Variants in SLC22A24 observed in about 807,000 individuals in gnomAD.
SLC22A24 encodes solute carrier family 22 member 24.
A neutral mutation model predicts 49.8 loss-of-function variants in SLC22A24; 53 were observed. The observed-to-expected ratio is 1.06, with a 90% CI of 0.85 to 1.34. SLC22A24 has a LOEUF of 1.34. Among genes scored for constraint, SLC22A24 ranks in the 40% most tolerant of loss-of-function variants. The pLI is 0.00. For synonymous variants in SLC22A24, 302 were observed against 256.4 expected (o/e 1.18, Z -1.70); for missense variants, 786 against 675.9 (o/e 1.16, Z -1.81).
intron 2 of SLC22A24, among the ~76,000 whole-genome samples, chr11:63,122,213 G>A (rs1189416857): frequency 6.6e-6 from 1 of 152,084 alleles, no homozygotes; most frequent in Non-Finnish European, 1.5e-5. Context: ...ACTTGGATGT[G>A]GCAAGTAATA....
chr11:63,110,516 T>G lies in SLC22A24; in HGVS notation c.831-6218A>C, dbSNP rs865793962. Among the ~76,000 whole-genome samples the G allele has an allele frequency of 2.8e-3, 372 of 130,876 alleles. 2 individuals are homozygous for G. Among genetic ancestry groups the G allele is most frequent in the African/African-American group, 6.0e-3 (219 of 36,720 alleles). The allele number at this position is 130,876 out of a possible 152,430, so 85.9% of individuals were successfully genotyped here. On this transcript the variant is annotated intron_variant, in intron 4 of 9. Transcript: ENST00000612278. ...TCTTCCATTTGTTTGTATCCTCTTT[T>G]ATTTCATTGAGCAGTGGTTTGTAGT...
At chr11:63,109,651 A>G (rs890700769) in intron 4 of SLC22A24, among the ~76,000 whole-genome samples, 71 of 151,800 alleles carry the variant, frequency 4.7e-4, no homozygotes, top group African/African-American at 1.7e-3. Flanking sequence ...TCTTCTTTTG[A>G]GAAGTGTCTG....
chr11:63,124,355 A>G (rs763979062), intron 2 of SLC22A24, among the ~76,000 whole-genome samples: 2 of 152,228 alleles, frequency 1.3e-5, no homozygotes, highest in Non-Finnish European at 2.9e-5. Context: ...AGATAATGAG[A>G]TAAATTCGAT....
intron 4 of SLC22A24, among the ~76,000 whole-genome samples, chr11:63,113,123 T>TAC (rs2087183411): frequency 6.4e-5 from 1 of 15,538 alleles, no homozygotes; most frequent in East Asian, 3.7e-3. Context: ...CACATATATA[T>TAC]ATACATATAT....
intron 5 of SLC22A24, 53 bp from the exon 6 acceptor site, chr11:63,096,159 G>GGTAAAAGCATTAACAAAAATATTT: frequency 8.5e-7 from 1 of 1,178,784 alleles, no homozygotes; most frequent in Non-Finnish European, 1.2e-6. Context: ...TAATGTGTCA[G>GGTAAAAGCATTAACAAAAATATTT]GCATAGTGGT....
chr11:63,132,147 T>C (rs2087340883), intron 2 of SLC22A24, among the ~76,000 whole-genome samples: 1 of 152,234 alleles, frequency 6.6e-6, no homozygotes, highest in African/African-American at 2.4e-5. Flanking sequence ...TTTAAGGTCT[T>C]TTCTACACTG....
At chr11:63,142,782 GA>G (rs2134688595) in intron 1 of SLC22A24, among the ~76,000 whole-genome samples, 1 of 152,142 alleles carries the variant, frequency 6.6e-6, no homozygotes, top group South Asian at 2.1e-4. Context: ...GACTCCCTAT[GA>G]TTTCAGCCCT....
intron 6 of SLC22A24, among the ~76,000 whole-genome samples, chr11:63,094,741 G>T (rs1281645801): frequency 2.0e-5 from 3 of 152,198 alleles, no homozygotes; most frequent in Non-Finnish European, 2.9e-5. Context: ...GTGATGGTGA[G>T]CATTTTTTCA....
intron 9 of SLC22A24, among the ~76,000 whole-genome samples, chr11:63,080,453 A>G (rs1156664828): frequency 1.3e-5 from 2 of 152,112 alleles, no homozygotes; most frequent in Non-Finnish European, 2.9e-5. Context: ...ATTTTGCTCT[A>G]TGCTGTAGTC....
At chr11:63,097,327 C>T (rs1021176062) in intron 5 of SLC22A24, among the ~76,000 whole-genome samples, 1 of 152,168 alleles carries the variant, frequency 6.6e-6, no homozygotes. Flanking sequence ...TGAAAAAAAG[C>T]TCATCATCCC....
In SLC22A24 at chr11:63,143,380, C is replaced by T. The variant is rs2087428601; in HGVS notation, c.400G>A (p.Glu134Lys). 6.9e-7 allele frequency: 1 copy of T among 1,447,370 alleles called. No homozygotes were observed. The highest frequency in any genetic ancestry group is 9.1e-7 in the Non-Finnish European group (1 of 1,098,424). The allele number at this position is 1,447,370 out of a possible 1,614,324, so 89.7% of individuals were successfully genotyped here. Residue 134 changes from glutamate (E) to lysine (K), a missense_variant and splice_region_variant, in exon 1 of 10, where the codon GAG becomes AAG. Transcript: ENST00000612278. ...RSSFLSTIVT[E>K]WDLVCESQSL... ...AAGATTTACATGGGGCCTCTTACCT[C>T]AGTCACGATGGTGGAGAGGAAAGAG...
chr11:63,089,132 C>A (rs2087003971), intron 6 of SLC22A24, among the ~76,000 whole-genome samples: 1 of 152,068 alleles, frequency 6.6e-6, no homozygotes, highest in South Asian at 2.1e-4. Flanking sequence ...GTCAGATTCT[C>A]CAAGATTGAA....
At chr11:63,124,575 G>A (rs1409691228) in intron 2 of SLC22A24, among the ~76,000 whole-genome samples, 1 of 152,110 alleles carries the variant, frequency 6.6e-6, no homozygotes, top group African/African-American at 2.4e-5. Context: ...CACTATTTTA[G>A]ATGTTAGGGT....
At chr11:63,112,024 T>C (rs9665764) in intron 4 of SLC22A24, among the ~76,000 whole-genome samples, 119,967 of 151,514 alleles carry the variant, frequency 0.79, 48,710 homozygotes, top group East Asian at 0.9. Context: ...GCTTTGAATG[T>C]GTCCCAGAGA....
intron 2 of SLC22A24, among the ~76,000 whole-genome samples, chr11:63,120,242 G>A (rs571673279): frequency 1.4e-5 from 2 of 144,160 alleles, no homozygotes; most frequent in African/African-American, 5.1e-5. Flanking sequence ...TCATAGGTGG[G>A]AATTGAACAA....
intron 5 of SLC22A24, among the ~76,000 whole-genome samples, chr11:63,100,159 G>A (rs1033898294): frequency 3.0e-4 from 45 of 152,056 alleles, no homozygotes; most frequent in African/African-American, 1.1e-3. Context: ...AATGATATAA[G>A]CTTATATTTG....
At chr11:63,115,032 G>A (rs955758868) in intron 4 of SLC22A24, among the ~76,000 whole-genome samples, 24 of 152,314 alleles carry the variant, frequency 1.6e-4, no homozygotes, top group African/African-American at 4.6e-4. Flanking sequence ...GGACCCACTT[G>A]AGGAGGCAGC....
rs138002391 is a variant in SLC22A24, at chr11:63,098,960, G to T, written c.955-2854C>A. On this transcript the variant is annotated intron_variant, in intron 5 of 9. Coordinates refer to ENST00000612278, the MANE Select transcript of SLC22A24 (RefSeq NM_001136506.2). ...AACCAATACTGCAGAAATTCAAAGG[G>T]TTATTAAAGGCTGGTATGAGCAACA... Among the ~76,000 whole-genome samples, 1,012 of 152,152 alleles carry T rather than the reference G, an allele frequency of 6.7e-3. 7 individuals carry two copies. Among genetic ancestry groups the T allele is most frequent in the Non-Finnish European group, 0.011 (745 of 68,008 alleles).
intron 5 of SLC22A24, among the ~76,000 whole-genome samples, chr11:63,099,281 T>C (rs2087075312): frequency 6.6e-6 from 1 of 150,402 alleles, no homozygotes; most frequent in Non-Finnish European, 1.5e-5. Context: ...TATAGCAGCC[T>C]CAACCTTCCA....
Sources: allele counts gnomAD v4.1 joint callset (sites outside exome capture counted in the v4.1 genomes callset), GRCh38; gene constraint gnomAD v4.1.1; transcripts MANE v1.5; gene names NCBI Gene and HGNC (gene_info 2026-07-23, HGNC 2026-07-21).